Variants in ARID1B observed in about 807,000 individuals in gnomAD.
ARID1B encodes AT-rich interaction domain 1B, also known as AT-rich interactive domain-containing protein 1B.
ARID1B carries 30 observed loss-of-function variants against 212.3 expected under a neutral mutation model. The ratio of observed to expected loss-of-function variants is 0.14; its 90% CI spans 0.11 to 0.19. The LOEUF is 0.19. Ranked by LOEUF, ARID1B falls within the 10% of genes least tolerant of loss-of-function variation. The pLI, the probability that ARID1B is intolerant of heterozygous loss-of-function variation, is 1.00. For synonymous variants in ARID1B, 1,402 were observed against 1,301.7 expected (o/e 1.08, Z -1.66); for missense variants, 2,891 against 3,204.0 (o/e 0.90, Z 2.36).
At chr6:156,849,716 T>C (rs1028969524) in intron 2 of ARID1B, among the ~76,000 whole-genome samples, 19 of 152,240 alleles carry the variant, frequency 1.2e-4, no homozygotes, top group African/African-American at 3.6e-4. Context: ...TGCTTTTCTG[T>C]GCTGGGGAGG....
chr6:156,971,853 T>C (rs766638634), intron 4 of ARID1B, among the ~76,000 whole-genome samples: 1 of 152,174 alleles, frequency 6.6e-6, no homozygotes, highest in Non-Finnish European at 1.5e-5. Context: ...ATTAACTAAT[T>C]AGGGGCCTTA....
At chr6:157,022,043 G>C (rs933764676) in intron 4 of ARID1B, among the ~76,000 whole-genome samples, 2 of 152,214 alleles carry the variant, frequency 1.3e-5, no homozygotes, top group Non-Finnish European at 2.9e-5. Context: ...ACCCGTTCGC[G>C]TAATTAAAAC....
chr6:157,168,281 A>G (rs1791478140), intron 9 of ARID1B: 1 of 152,226 alleles, frequency 6.6e-6, no homozygotes, highest in Non-Finnish European at 1.5e-5. Flanking sequence ...TGAAAGATTT[A>G]TGAAAGAGGA....
chr6:157,017,463 T>C (rs1342135532), intron 4 of ARID1B, among the ~76,000 whole-genome samples: 1 of 152,224 alleles, frequency 6.6e-6, no homozygotes, highest in Admixed American at 6.5e-5. Context: ...TATGTTTGTT[T>C]TGGCTATTAA....
chr6:157,018,101 C>T (rs531258654), intron 4 of ARID1B, among the ~76,000 whole-genome samples: 59 of 151,928 alleles, frequency 3.9e-4, no homozygotes, highest in Non-Finnish European at 6.9e-4. Context: ...CATGGCATTC[C>T]AGCCTGGGCA....
chr6:156,818,124 T>TTC (rs1554255156), intron 1 of ARID1B, among the ~76,000 whole-genome samples: 4,536 of 133,346 alleles, frequency 0.034, 335 homozygotes, highest in East Asian at 0.16. Context: ...TTTTTTTTTT[T>TTC]AGAATATAAG....
chr6:156,790,677 T>G (rs770429624), intron 1 of ARID1B, among the ~76,000 whole-genome samples: 1 of 152,236 alleles, frequency 6.6e-6, no homozygotes, highest in African/African-American at 2.4e-5. Flanking sequence ...CCCATCTTAG[T>G]GCCAACTGCC....
At position 157,083,526 on chromosome 6, in the gene ARID1B, T is replaced by G. The variant is rs929108178; in HGVS notation, c.2248-1136T>G. ...TCTGCTGAGGGAGCAGAAGACAGTT[T>G]CTTCTTCCTCCTCTCTCATCTTCCC... On this transcript the variant is annotated intron_variant, in intron 4 of 19. Transcript: ENST00000636930. Among the ~76,000 whole-genome samples the G allele has an allele frequency of 2.6e-5, 4 of 152,134 alleles. No individual in the cohort carries two copies. In the East Asian group the frequency reaches 7.7e-4, roughly 29 times the overall value.
At chr6:157,044,737 C>G (rs1024040015) in intron 4 of ARID1B, among the ~76,000 whole-genome samples, 1 of 152,178 alleles carries the variant, frequency 6.6e-6, no homozygotes, top group African/African-American at 2.4e-5. Context: ...GTGGCAGCCA[C>G]CAGCCATGTG....
At chr6:156,818,644 G>A (rs1276130445) in intron 1 of ARID1B, among the ~76,000 whole-genome samples, 1 of 152,202 alleles carries the variant, frequency 6.6e-6, no homozygotes, top group Non-Finnish European at 1.5e-5. Context: ...CTAGTCAGAA[G>A]TAGGAGAGAG....
At chr6:156,897,375 G>A (rs1788565107) in intron 2 of ARID1B, among the ~76,000 whole-genome samples, 1 of 151,322 alleles carries the variant, frequency 6.6e-6, no homozygotes, top group Non-Finnish European at 1.5e-5. Context: ...CCAGGTTCAA[G>A]CGATTTTCCT....
intron 6 of ARID1B, among the ~76,000 whole-genome samples, chr6:157,129,985 A>G (rs956806416): frequency 6.6e-6 from 1 of 152,154 alleles, no homozygotes; most frequent in Non-Finnish European, 1.5e-5. Flanking sequence ...CCTGGCCAAC[A>G]TGGTGAAACC....
At chr6:156,849,946 T>C (rs1354923695) in intron 2 of ARID1B, among the ~76,000 whole-genome samples, 1 of 151,104 alleles carries the variant, frequency 6.6e-6, no homozygotes, top group Non-Finnish European at 1.5e-5. Flanking sequence ...TCTTTTTTTG[T>C]AATACTCCTG....
At chr6:156,964,434 GA>G in intron 4 of ARID1B, among the ~76,000 whole-genome samples, 1 of 152,098 alleles carries the variant, frequency 6.6e-6, no homozygotes. Context: ...ATTTCTTCTG[GA>G]AAAAAAGTCC....
At chr6:156,932,760 G>A (rs1332916807) in intron 3 of ARID1B, among the ~76,000 whole-genome samples, 1 of 152,314 alleles carries the variant, frequency 6.6e-6, no homozygotes, top group South Asian at 2.1e-4. Context: ...TAAGTTATAT[G>A]TAGTTGTTGA....
At chr6:156,812,985 T>TACATATATATAC (rs773374218) in intron 1 of ARID1B, among the ~76,000 whole-genome samples, 9,392 of 102,692 alleles carry the variant, frequency 0.091, 955 homozygotes, top group Non-Finnish European at 0.12. Flanking sequence ...TGTATGTATA[T>TACATATATATAC]ACATACGTAT....
At chr6:156,989,586 G>A (rs1480952878) in intron 4 of ARID1B, among the ~76,000 whole-genome samples, 4 of 152,200 alleles carry the variant, frequency 2.6e-5, no homozygotes, top group Non-Finnish European at 5.9e-5. Context: ...CCGCCCCATA[G>A]TTGTGTGACT....
intron 11 of ARID1B, 110 bp downstream of exon 11, chr6:157,175,115 C>T: frequency 1.1e-6 from 1 of 951,186 alleles, no homozygotes. Flanking sequence ...TTTTGTAAGA[C>T]TTTTTCTTCA....
intron 2 of ARID1B, among the ~76,000 whole-genome samples, chr6:156,839,286 C>T (rs1783727665): frequency 6.6e-6 from 1 of 152,164 alleles, no homozygotes; most frequent in South Asian, 2.1e-4. Flanking sequence ...TTTGCTGCTT[C>T]ACAACGTGGT....
Sources: gnomAD v4.1 joint callset for allele counts (sites outside exome capture counted in the v4.1 genomes callset) on GRCh38, gnomAD v4.1.1 for gene constraint, MANE v1.5 for transcripts, NCBI Gene and HGNC (gene_info 2026-07-23, HGNC 2026-07-21) for gene names.